MGAM: variants seen among roughly 807,000 people sequenced by gnomAD.
MGAM encodes alpha-1,4-glucosidase.
MGAM carries 253 observed loss-of-function variants against 358.8 expected under a neutral mutation model. The ratio of observed to expected loss-of-function variants is 0.71; its 90% confidence interval spans 0.64 to 0.78. The LOEUF is 0.78. MGAM is among the 30% of genes least tolerant of loss of function. The pLI is 0.00. For synonymous variants in MGAM, 1,105 were observed against 1,227.1 expected (o/e 0.90, Z 2.08); for missense variants, 3,080 against 3,432.6 (o/e 0.90, Z 2.57).
chr7:142,105,866 C>T lies in MGAM; in HGVS notation c.8237C>T (p.Ser2746Leu), dbSNP rs770988934. Residue 2746 changes from serine to leucine, a missense_variant, in exon 71 of 71, where the codon TCA becomes TTA. Physicochemically the swap from Ser to Leu is moderately radical, Grantham distance 145. This residue lies in a region of MGAM where 194 missense variants were observed against 172.8 expected (regional missense o/e 1.12). Transcript: ENST00000475668. ...AACATCAGCCTACATAATTTTACTT[C>T]ATTGACGTGGATAAGCACTCTGTGA... ...DRNISLHNFT[S>L]LTWISTL 6.2e-7 allele frequency: 1 copy of T among 1,612,834 alleles called. No homozygotes were observed. Among genetic ancestry groups the T allele is most frequent in the South Asian group, 1.1e-5 (1 of 91,020 alleles).
intron 21 of MGAM, among the ~76,000 whole-genome samples, chr7:142,044,272 T>C (rs1297994548): frequency 2.4e-5 from 2 of 82,048 alleles, no homozygotes; most frequent in Non-Finnish European, 3.1e-5. Flanking sequence ...ATATATACAT[T>C]ATATACACAT....
At chr7:142,093,324 T>C in intron 59 of MGAM, 88 bp from the exon 60 acceptor site, 3 of 1,431,536 alleles carry the variant, frequency 2.1e-6, no homozygotes, top group Non-Finnish European at 2.9e-6. Context: ...GAAGTTAGTC[T>C]TAAGATCCAG....
intron 10 of MGAM, 25 bp from the exon 11 acceptor site, chr7:142,030,337 T>C: frequency 6.2e-7 from 1 of 1,609,486 alleles, no homozygotes; most frequent in Non-Finnish European, 8.5e-7. Context: ...TAGGTGCTAA[T>C]TGTGGACTTT....
intron 21 of MGAM, among the ~76,000 whole-genome samples, chr7:142,046,512 G>T (rs1344763743): frequency 6.6e-6 from 1 of 152,026 alleles, no homozygotes; most frequent in Non-Finnish European, 1.5e-5. Flanking sequence ...GGAATCAGAG[G>T]TTCACATTCT....
In MGAM at chr7:142,048,113, CTTTTTATTTATT is replaced by C. The variant is rs1341554874; in HGVS notation, c.2587+242_2587+253del. On this transcript the variant is annotated intron_variant, in intron 22 of 70. Coordinates refer to ENST00000475668, the MANE Select transcript of MGAM (RefSeq NM_001365693.1). Reference sequence around the variant, plus strand: ...ATTGGACAGTGATATCTATAATAGGCTTTTTATTTATTTATTTATTTATTTATTTATTTATTT... The same window carrying C: ...ATTGGACAGTGATATCTATAATAGGCTATTTATTTATTTATTTATTTATTT... Among the ~76,000 whole-genome samples, 403 of 147,692 alleles carry C rather than the reference CTTTTTATTTATT, an allele frequency of 2.7e-3. 5 individuals carry two copies. Among genetic ancestry groups the C allele is most frequent in the Middle Eastern group, 0.014 (4 of 290 alleles).
intron 53 of MGAM, among the ~76,000 whole-genome samples, chr7:142,083,707 G>C (rs1028087826): frequency 5.5e-5 from 8 of 144,556 alleles, no homozygotes; most frequent in African/African-American, 2.0e-4. Flanking sequence ...GATGATGGTG[G>C]TAGGGGATGA....
chr7:142,050,340 C>T (rs554107222), intron 23 of MGAM, 56 bp downstream of exon 23: 2 of 1,550,930 alleles, frequency 1.3e-6, no homozygotes, highest in African/African-American at 2.7e-5. Flanking sequence ...ACCATTAGCA[C>T]ATCTGTGCTT....
rs1052186356 is a variant in MGAM at position 142,052,385 on chromosome 7, G to C, written c.2897G>C (p.Cys966Ser). The C allele has an allele frequency of 1.2e-6, 2 of 1,612,906 alleles. No homozygotes were observed. The highest frequency in any genetic ancestry group is 1.7e-6 in the Non-Finnish European group (2 of 1,179,516). Residue 966 changes from cysteine to serine, a missense_variant, in exon 25 of 71, where the codon TGT becomes TCT. Cys to Ser is a moderately radical substitution (Grantham distance 112). Around this residue, in one of 5 missense-constraint regions of MGAM, gnomAD observed 1,816 missense variants for 1,840.5 expected, o/e 0.99. Transcript: ENST00000475668. ...ATAAGGGATGAAGAAAAAATAGACT[G>C]TTACCCTGATGAGAATGGTGCTTCT... ...IKIRDEEKIDCYPDENGASAE... is the reference protein window; with the variant it reads ...IKIRDEEKIDSYPDENGASAE...
intron 18 of MGAM, among the ~76,000 whole-genome samples, chr7:142,037,510 T>C (rs1563138460): frequency 6.6e-6 from 1 of 152,182 alleles, no homozygotes; most frequent in Non-Finnish European, 1.5e-5. Flanking sequence ...TAAGAGCATT[T>C]TCTTGTCAAA....
At chr7:142,045,378 A>C (rs1183173423) in intron 21 of MGAM, among the ~76,000 whole-genome samples, 1 of 92,396 alleles carries the variant, frequency 1.1e-5, no homozygotes, top group African/African-American at 3.9e-5. Context: ...TATATATTAT[A>C]TATCCCTATA....
At chr7:142,099,758 T>C in intron 67 of MGAM, 21 bp downstream of exon 67, 1 of 1,612,642 alleles carries the variant, frequency 6.2e-7, no homozygotes, top group Non-Finnish European at 8.5e-7. Flanking sequence ...GGACTCAGGT[T>C]TTCCTTTACA....
chr7:142,036,025 C>A, intron 16 of MGAM, 144 bp from the exon 17 acceptor site: 2 of 609,120 alleles, frequency 3.3e-6, no homozygotes, highest in Non-Finnish European at 5.9e-6. Flanking sequence ...AGAGTGGACA[C>A]AGGCTATGAC....
chr7:142,052,360 A>T lies in MGAM; in HGVS notation c.2872A>T (p.Ile958Leu). 6.2e-7 allele frequency: 1 copy of T among 1,611,768 alleles called. No homozygotes were observed. The highest frequency in any genetic ancestry group is 8.5e-7 in the Non-Finnish European group (1 of 1,178,874). ...EAYTVEWSIKIRDEEKIDCYP... is the reference protein window; with the variant it reads ...EAYTVEWSIKLRDEEKIDCYP... ...ATACACAGTGGAATGGAGCATAAAG[A>T]TAAGGGATGAAGAAAAAATAGACTG... Residue 958 changes from isoleucine to leucine, a missense_variant, in exon 25 of 71, where the codon ATA becomes TTA. Transcript: ENST00000475668.
chr7:142,047,376 C>T (rs574856035), intron 21 of MGAM, among the ~76,000 whole-genome samples: 9 of 152,180 alleles, frequency 5.9e-5, no homozygotes, highest in African/African-American at 9.6e-5. Flanking sequence ...CTTAGGCAGG[C>T]GAAAATGTGT....
At chr7:142,096,109 A>C in intron 64 of MGAM, 1 of 615,754 alleles carries the variant, frequency 1.6e-6, no homozygotes, top group Non-Finnish European at 2.9e-6. Flanking sequence ...AGTATTTTAC[A>C]AGAGAGAATA....
chr7:142,102,133 T>A (rs1382954356), intron 68 of MGAM, among the ~76,000 whole-genome samples: 1 of 152,160 alleles, frequency 6.6e-6, no homozygotes, highest in East Asian at 1.9e-4. Flanking sequence ...TCTTTGATCA[T>A]CTTTGTTCTC....
At chr7:142,078,497 C>T in intron 48 of MGAM, 27 bp downstream of exon 48, 1 of 1,518,754 alleles carries the variant, frequency 6.6e-7, no homozygotes, top group Admixed American at 1.8e-5. Context: ...GGTTCATGTG[C>T]ATGAAAATCT....
At chr7:142,021,140 G>A in intron 5 of MGAM, 57 bp downstream of exon 5, 1 of 1,252,322 alleles carries the variant, frequency 8.0e-7, no homozygotes, top group Non-Finnish European at 1.1e-6. Flanking sequence ...TTCCCTATCG[G>A]ATGAGTGCAG....
chr7:142,027,879 A>C, intron 10 of MGAM, 144 bp downstream of exon 10: 2 of 658,214 alleles, frequency 3.0e-6, no homozygotes, highest in South Asian at 4.6e-5. Context: ...AATACTAGAC[A>C]TTTTTTTTTT....
Sources: gnomAD v4.1 joint callset for allele counts (sites outside exome capture counted in the v4.1 genomes callset) on GRCh38, gnomAD v4.1.1 for gene constraint, gnomAD v4.1.1 regional missense constraint, MANE v1.5 for transcripts, NCBI Gene and HGNC (gene_info 2026-07-23, HGNC 2026-07-21) for gene names.